Variants in MTA3 observed in about 807,000 individuals in gnomAD.
The protein encoded by MTA3 is metastasis associated 1 family member 3, also known as metastasis-associated protein MTA3.
A neutral mutation model predicts 83.5 loss-of-function variants in MTA3; 34 were observed. The observed-to-expected ratio is 0.41, with a 90% CI of 0.31 to 0.54. The LOEUF (loss-of-function observed/expected upper bound fraction) is 0.54. MTA3 is among the 20% of genes least tolerant of loss of function. The probability of loss-of-function intolerance (pLI) is 0.33; values close to 1 mark genes in which losing one functional copy is unlikely to be tolerated. For synonymous variants in MTA3, 303 were observed against 252.7 expected, an observed-to-expected ratio of 1.20 and a Z score of -1.89; for missense variants, 761 against 726.4, an observed-to-expected ratio of 1.05 and a Z score of -0.55.
intron 15 of MTA3, among the ~76,000 whole-genome samples, 175 bp from the exon 16 acceptor site, chr2:42,722,714 G>T (rs1465603203): frequency 6.6e-6 from 1 of 152,124 alleles, no homozygotes; most frequent in Admixed American, 6.6e-5. Context: ...TACTTGATAA[G>T]CAAAGCCATG....
chr2:42,669,841 A>G (rs1231409913), intron 8 of MTA3, among the ~76,000 whole-genome samples: 1 of 152,252 alleles, frequency 6.6e-6, no homozygotes, highest in Non-Finnish European at 1.5e-5. Flanking sequence ...ATATAGAAAC[A>G]TCAGAAAGGC....
chr2:42,650,036 C>G (rs930508406), intron 6 of MTA3, among the ~76,000 whole-genome samples: 1 of 152,168 alleles, frequency 6.6e-6, no homozygotes, highest in African/African-American at 2.4e-5. Flanking sequence ...TTTTCATAAA[C>G]TCTATTACCT....
intron 4 of MTA3, among the ~76,000 whole-genome samples, chr2:42,636,385 T>A (rs1017054330): frequency 2.0e-5 from 3 of 151,510 alleles, no homozygotes; most frequent in South Asian, 2.1e-4. Context: ...ACAAAGAATT[T>A]AAAAAAAATT....
At chr2:42,739,024 C>T (rs1015387627) in intron 16 of MTA3, among the ~76,000 whole-genome samples, 12 of 152,188 alleles carry the variant, frequency 7.9e-5, no homozygotes, top group East Asian at 5.8e-4. Flanking sequence ...CCTGTGATCT[C>T]GCCCTGCCTC....
chr2:42,723,227 A>C (rs958766551), intron 16 of MTA3, 192 bp downstream of exon 16: 17 of 653,630 alleles, frequency 2.6e-5, no homozygotes, highest in South Asian at 1.7e-4. Context: ...TCCCATCAGG[A>C]GGTACTTATT....
chr2:42,735,143 C>A (rs1668517241), intron 16 of MTA3, among the ~76,000 whole-genome samples: 1 of 152,100 alleles, frequency 6.6e-6, no homozygotes, highest in African/African-American at 2.4e-5. Context: ...TCTTGTAGGA[C>A]AGGTATAGTG....
At chr2:42,514,689 T>TTTTC (rs1430086787) in intron 2 of MTA3, among the ~76,000 whole-genome samples, 1 of 125,432 alleles carries the variant, frequency 8.0e-6, no homozygotes, top group African/African-American at 3.2e-5. Flanking sequence ...CCCCTTTTTT[T>TTTTC]TTTTTTTTTT....
At chr2:42,608,852 C>G (rs1044047888) in intron 3 of MTA3, among the ~76,000 whole-genome samples, 10 of 152,086 alleles carry the variant, frequency 6.6e-5, no homozygotes, top group Non-Finnish European at 1.3e-4. Flanking sequence ...CCACTGCACT[C>G]CAGCCTGGGC....
chr2:42,730,750 A>G (rs1325627278), intron 16 of MTA3, among the ~76,000 whole-genome samples: 1 of 151,986 alleles, frequency 6.6e-6, no homozygotes, highest in East Asian at 1.9e-4. Context: ...TTTCTCCTTT[A>G]TTTTTTGGAG....
intron 16 of MTA3, among the ~76,000 whole-genome samples, chr2:42,741,700 C>T (rs1669042222): frequency 6.6e-6 from 1 of 151,808 alleles, no homozygotes; most frequent in Non-Finnish European, 1.5e-5. Context: ...GAGCTCCACT[C>T]AAGAAAGAAC....
chr2:42,712,960 A>G (rs999690385), intron 14 of MTA3: 1 of 152,156 alleles, frequency 6.6e-6, no homozygotes, highest in African/African-American at 2.4e-5. Flanking sequence ...ATCAGACGTT[A>G]TTTCAGAGAC....
chr2:42,689,615 C>T (rs1692693573), intron 9 of MTA3, among the ~76,000 whole-genome samples: 1 of 152,050 alleles, frequency 6.6e-6, no homozygotes, highest in South Asian at 2.1e-4. Context: ...AGTTTGTCTT[C>T]CAAAGGATTT....
Position 42,754,993 on chromosome 2 carries a change from C to T in MTA3, c.*1594C>T. Reference sequence around the variant, plus strand: ...TCTCCACCACCACCCACTCTTGGAGCTGTGCTGGGTCTTGGCTTGGGGCGC... The same window carrying T: ...TCTCCACCACCACCCACTCTTGGAGTTGTGCTGGGTCTTGGCTTGGGGCGC... On this transcript the variant is annotated 3_prime_UTR_variant, in exon 17 of 17. Transcript: ENST00000405094. The T allele has an allele frequency of 1.0e-6, 1 of 985,590 alleles. No individual in the cohort carries two copies. 61.1% of individuals were successfully genotyped at this position (985,590 alleles called of 1,614,324 possible). A position where few individuals can be genotyped will look rare whatever the true frequency, so the allele number is the denominator to read the frequency against.
intron 2 of MTA3, among the ~76,000 whole-genome samples, chr2:42,577,105 A>AAAAAAAATATAT (rs1211189566): frequency 6.8e-4 from 59 of 86,886 alleles, no homozygotes; most frequent in African/African-American, 3.1e-3. Flanking sequence ...AAAAAAAAAA[A>AAAAAAAATATAT]ATATATATAT....
chr2:42,741,905 G>T (rs890263108), intron 16 of MTA3, among the ~76,000 whole-genome samples: 6 of 152,122 alleles, frequency 3.9e-5, no homozygotes, highest in Non-Finnish European at 8.8e-5. Flanking sequence ...CTGGAAAAAT[G>T]GTGTCAATAG....
chr2:42,540,170 ATT>A (rs70963328), intron 2 of MTA3, among the ~76,000 whole-genome samples: 24 of 125,374 alleles, frequency 1.9e-4, no homozygotes, highest in South Asian at 2.7e-4. Flanking sequence ...AACTTTGTAG[ATT>A]TTTTTTTTTT....
intron 4 of MTA3, among the ~76,000 whole-genome samples, chr2:42,611,372 C>G (rs981683528): frequency 1.3e-5 from 2 of 151,700 alleles, no homozygotes; most frequent in Admixed American, 6.6e-5. Flanking sequence ...TTCCTGATAC[C>G]TTTGTGCACA....
chr2:42,756,933 T>C lies in MTA3; in HGVS notation c.*3534T>C. On this transcript the variant is annotated 3_prime_UTR_variant, in exon 17 of 17. Transcript: ENST00000405094. ...CAATTTGTATTGTGTTTCCAATAAA[T>C]TCCTGGAAATTTTGCCTGGTTTTAT... is the stretch of plus-strand genomic sequence containing the variant. 1.0e-6 allele frequency: 1 copy of C among 985,490 alleles called. No homozygotes were observed. The highest frequency in any genetic ancestry group is 1.2e-6 in the Non-Finnish European group (1 of 829,994). The allele number at this position is 985,490 out of a possible 1,614,324, so 61.0% of individuals were successfully genotyped here.
chr2:42,608,971 T>G (rs1010184181), intron 3 of MTA3, among the ~76,000 whole-genome samples: 1 of 152,186 alleles, frequency 6.6e-6, no homozygotes, highest in African/African-American at 2.4e-5. Flanking sequence ...GTTGGAATTT[T>G]TCTTCTTTTG....
Sources: allele counts gnomAD v4.1 joint callset (sites outside exome capture counted in the v4.1 genomes callset), GRCh38; gene constraint gnomAD v4.1.1; transcripts MANE v1.5; gene names NCBI Gene and HGNC (gene_info 2026-07-23, HGNC 2026-07-21).